The following ZFAT variants were observed in gnomAD, a reference collection of about 807,000 sequenced individuals.
The protein encoded by ZFAT is zinc finger protein ZFAT.
In ZFAT, 64 loss-of-function variants were observed where a neutral mutation model predicts 117.7. The ratio of observed to expected loss-of-function variants is 0.54; its 90% CI spans 0.44 to 0.67. The LOEUF (loss-of-function observed/expected upper bound fraction) is 0.67, where lower values mean the gene tolerates loss of function less well. Among genes scored for constraint, ZFAT ranks in the 30% least tolerant of loss-of-function variants. ZFAT has a pLI of 0.00. For synonymous variants in ZFAT, 679 were observed against 615.0 expected (o/e 1.10, Z -1.54); for missense variants, 1,433 against 1,584.5 (o/e 0.90, Z 1.62).
chr8:134,762,943 C>T, the ZFAT span, among the ~76,000 whole-genome samples: 1 of 152,182 alleles, frequency 6.6e-6, no homozygotes, highest in East Asian at 1.9e-4. Flanking sequence ...CTGAATGCAA[C>T]TGCTGCTCAG....
intron 1 of ZFAT, among the ~76,000 whole-genome samples, chr8:134,685,062 G>A (rs775012050): frequency 4.6e-5 from 7 of 152,058 alleles, no homozygotes; most frequent in African/African-American, 9.7e-5. Context: ...AGGTGTTTAC[G>A]CTGCCTCCTG....
the ZFAT span, among the ~76,000 whole-genome samples, chr8:134,771,045 G>A: frequency 1.8e-4 from 27 of 152,212 alleles, no homozygotes; most frequent in Middle Eastern, 3.4e-3. Flanking sequence ...CTGTGATCTC[G>A]CCCTCCCTCC....
At chr8:134,520,304 G>T (rs1224682652) in intron 13 of ZFAT, among the ~76,000 whole-genome samples, 1 of 152,190 alleles carries the variant, frequency 6.6e-6, no homozygotes, top group East Asian at 1.9e-4. Context: ...AATGTCGACA[G>T]TGCTGAGTCT....
chr8:134,612,250 C>T (rs1417852560), intron 3 of ZFAT, among the ~76,000 whole-genome samples: 3 of 152,200 alleles, frequency 2.0e-5, no homozygotes, highest in South Asian at 2.1e-4. Flanking sequence ...GGTGCGCAAG[C>T]GCAAGGTGGG....
In ZFAT at chr8:134,532,822, C is replaced by T. The variant is rs750900158; in HGVS notation, c.3115+12G>A. On this transcript the variant is annotated intron_variant, in intron 12 of 15. Coordinates refer to ENST00000377838, the MANE Select transcript of ZFAT (RefSeq NM_020863.4). ...AGCGGGCAGGGCCCCAGCTCGCTGG[C>T]CCCTCGCCTACCTTGCTGGATGAGC... 1.2e-6 allele frequency: 2 copies of T among 1,608,682 alleles called. No individual in the cohort carries two copies. The highest frequency in any genetic ancestry group is 8.5e-7 in the Non-Finnish European group (1 of 1,178,254).
chr8:134,650,708 C>T (rs998315608), intron 2 of ZFAT, among the ~76,000 whole-genome samples: 4 of 152,110 alleles, frequency 2.6e-5, no homozygotes, highest in South Asian at 4.1e-4. Flanking sequence ...TTAGAAGAGA[C>T]GTATTGATCA....
At position 134,478,775 on chromosome 8, in the gene ZFAT, G is replaced by C. The variant is rs1015466675; in HGVS notation, c.3493-54C>G. On this transcript the variant is annotated intron_variant, in intron 15 of 15. Coordinates refer to ENST00000377838, the MANE Select transcript of ZFAT (RefSeq NM_020863.4). This position sits in a 1 kb window ranked among gnomAD's most constrained non-coding sequence, Gnocchi z 5.2. ...CCCAGCGCCTACTTCCCGGTCCAGC[G>C]TAACAACAAAGTCACAACTACAGTT... 1 of 1,521,452 alleles carries C rather than the reference G, an allele frequency of 6.6e-7. No homozygotes were observed. The highest frequency in any genetic ancestry group is 8.8e-7 in the Non-Finnish European group (1 of 1,133,736). 94.2% of individuals were successfully genotyped at this position (1,521,452 alleles called of 1,614,324 possible). A position where few individuals can be genotyped will look rare whatever the true frequency, so the allele number is the denominator to read the frequency against.
chr8:134,801,082 C>T, the ZFAT span, among the ~76,000 whole-genome samples: 2 of 152,108 alleles, frequency 1.3e-5, no homozygotes, highest in Non-Finnish European at 2.9e-5. Context: ...GATGCATCAA[C>T]CAATCTTCAT....
the ZFAT span, among the ~76,000 whole-genome samples, chr8:134,746,183 G>T: frequency 3.9e-5 from 6 of 152,278 alleles, no homozygotes; most frequent in East Asian, 1.2e-3. Context: ...TCCTCCTTTT[G>T]CAAGACATTC....
intron 15 of ZFAT, among the ~76,000 whole-genome samples, chr8:134,498,801 G>A (rs1384338752): frequency 9.2e-5 from 4 of 43,640 alleles, no homozygotes; most frequent in African/African-American, 3.7e-4. Context: ...TCGGGGTGGA[G>A]CTGGGATGCC....
the ZFAT span, among the ~76,000 whole-genome samples, chr8:134,786,269 C>T: frequency 6.6e-6 from 1 of 152,210 alleles, no homozygotes; most frequent in Non-Finnish European, 1.5e-5. Flanking sequence ...TGGCCAAGAT[C>T]TCCAGTGCAA....
At chr8:134,556,327 C>A (rs1823622516) in intron 11 of ZFAT, among the ~76,000 whole-genome samples, 1 of 151,900 alleles carries the variant, frequency 6.6e-6, no homozygotes, top group Non-Finnish European at 1.5e-5. Flanking sequence ...ATTAGTGCCT[C>A]ACATATATGT....
chr8:134,616,730 C>A (rs1828764816), intron 3 of ZFAT, among the ~76,000 whole-genome samples: 1 of 152,170 alleles, frequency 6.6e-6, no homozygotes. Context: ...GAGCTTGCTA[C>A]AAACCAGCTG....
chr8:134,608,479 C>G (rs1200338654), intron 5 of ZFAT, among the ~76,000 whole-genome samples: 1 of 152,142 alleles, frequency 6.6e-6, no homozygotes, highest in East Asian at 1.9e-4. Flanking sequence ...ATAAAATGCT[C>G]TGGCTTCATT....
At position 134,601,364 on chromosome 8, in the gene ZFAT, T is replaced by C. The variant is rs555678301; in HGVS notation, c.2242+113A>G. ...CGTTCCTATCTACAATGGAGGAGGA[T>C]GGCTCACTTAGAAGGTATTCTTTGC... is the stretch of plus-strand genomic sequence containing the variant. On this transcript the variant is annotated intron_variant, in intron 6 of 15. Coordinates refer to ENST00000377838, the MANE Select transcript of ZFAT (RefSeq NM_020863.4). The C allele has an allele frequency of 1.2e-5, 17 of 1,439,606 alleles. No individual in the cohort carries two copies. In the South Asian group the frequency reaches 1.9e-4, roughly 16 times the overall value. 89.2% of individuals were successfully genotyped at this position (1,439,606 alleles called of 1,614,324 possible). A position where few individuals can be genotyped will look rare whatever the true frequency, so the allele number is the denominator to read the frequency against.
chr8:134,696,580 G>C lies in ZFAT; in HGVS notation c.19+16265C>G, dbSNP rs995731673. On this transcript the variant is annotated intron_variant, in intron 1 of 15. Coordinates refer to ENST00000377838, the MANE Select transcript of ZFAT (RefSeq NM_020863.4). The stretch of plus-strand genomic sequence containing the variant: ...TCTCCCAGGAAGCCCTACCATCCTA[G>C]TTATCCCTGGCTGGCACCACCCACC... 6 of 986,184 alleles carry C rather than the reference G, an allele frequency of 6.1e-6. No individual in the cohort carries two copies. In the African/African-American group the frequency reaches 1.0e-4, roughly 17 times the overall value. 61.1% of individuals were successfully genotyped at this position (986,184 alleles called of 1,614,324 possible).
chr8:134,605,282 C>A (rs1255143202), intron 5 of ZFAT, among the ~76,000 whole-genome samples: 1 of 152,210 alleles, frequency 6.6e-6, no homozygotes, highest in Non-Finnish European at 1.5e-5. Context: ...CGCAGTGGCT[C>A]ACGCCTGTAA....
intron 1 of ZFAT, among the ~76,000 whole-genome samples, chr8:134,690,302 C>T (rs1246083004): frequency 6.6e-6 from 1 of 152,204 alleles, no homozygotes; most frequent in East Asian, 1.9e-4. Context: ...TTAGAACCTG[C>T]AGACCAAGTC....
the ZFAT span, among the ~76,000 whole-genome samples, chr8:134,827,748 A>G: frequency 2.8e-3 from 415 of 150,800 alleles, 1 homozygote; most frequent in Non-Finnish European, 4.5e-3. Context: ...AGCCTGGGTG[A>G]CAGAGTGAGA....
Sources: gnomAD v4.1 joint callset for allele counts (sites outside exome capture counted in the v4.1 genomes callset) on GRCh38, gnomAD v4.1.1 for gene constraint, Gnocchi (gnomAD v3.1) non-coding constraint, MANE v1.5 for transcripts, NCBI Gene and HGNC (gene_info 2026-07-23, HGNC 2026-07-21) for gene names.